NPHP1: variants seen among roughly 807,000 people sequenced by gnomAD.
NPHP1 encodes the protein nephrocystin-1.
In NPHP1, 70 loss-of-function variants were observed where a neutral mutation model predicts 90.4. The observed-to-expected ratio is 0.77, with a 90% CI of 0.64 to 0.95. The LOEUF (loss-of-function observed/expected upper bound fraction) is 0.95. Ranked by LOEUF, NPHP1 falls within the 40% of genes least tolerant of loss-of-function variation. The pLI, the probability that NPHP1 is intolerant of heterozygous loss-of-function variation, is 0.00. For synonymous variants in NPHP1, 256 were observed against 271.7 expected, an observed-to-expected ratio of 0.94 and a Z score of 0.57; for missense variants, 764 against 795.9, an observed-to-expected ratio of 0.96 and a Z score of 0.48.
intron 8 of NPHP1, 25 bp from the exon 9 acceptor site, chr2:110,163,160 A>T: frequency 6.6e-7 from 1 of 1,525,172 alleles, no homozygotes; most frequent in Non-Finnish European, 9.1e-7. Context: ...ATCAAAATGG[A>T]TTTGTTTTCA....
chr2:110,149,074 A>G (rs1335809980), intron 12 of NPHP1, among the ~76,000 whole-genome samples: 1 of 152,172 alleles, frequency 6.6e-6, no homozygotes, highest in Non-Finnish European at 1.5e-5. Flanking sequence ...GGCTACTCTG[A>G]TTAAATAAGG....
intron 16 of NPHP1, among the ~76,000 whole-genome samples, chr2:110,137,043 T>C (rs1680253164): frequency 6.6e-6 from 1 of 152,122 alleles, no homozygotes. Context: ...ATCTGATCTT[T>C]GACAAACCTG....
chr2:110,154,397 G>A (rs1194272195), intron 11 of NPHP1, among the ~76,000 whole-genome samples: 1 of 152,168 alleles, frequency 6.6e-6, no homozygotes, highest in East Asian at 1.9e-4. Context: ...ACCAGGAGTA[G>A]GGTGTTGCTG....
At chr2:110,189,520 T>C (rs1006064462) in intron 2 of NPHP1, among the ~76,000 whole-genome samples, 3 of 152,102 alleles carry the variant, frequency 2.0e-5, no homozygotes, top group African/African-American at 2.4e-5. Flanking sequence ...ATAAAGGCAG[T>C]GTGGACCCAA....
At chr2:110,176,171 C>T (rs1336963471) in intron 4 of NPHP1, among the ~76,000 whole-genome samples, 20 of 151,972 alleles carry the variant, frequency 1.3e-4, no homozygotes, top group African/African-American at 4.1e-4. Context: ...CTCACATCTC[C>T]GAGCTACTGA....
chr2:110,174,877 G>T, intron 4 of NPHP1, among the ~76,000 whole-genome samples: 1 of 151,126 alleles, frequency 6.6e-6, no homozygotes. Flanking sequence ...GCGCTGAAGA[G>T]CCATGTGGTA....
At chr2:110,135,618 T>C (rs1310734704) in intron 16 of NPHP1, among the ~76,000 whole-genome samples, 3 of 151,874 alleles carry the variant, frequency 2.0e-5, no homozygotes, top group Non-Finnish European at 4.4e-5. Flanking sequence ...TTCTAATATA[T>C]ATTTCTAATA....
chr2:110,139,091 A>T (rs1680437010), intron 16 of NPHP1, among the ~76,000 whole-genome samples: 1 of 152,110 alleles, frequency 6.6e-6, no homozygotes, highest in African/African-American at 2.4e-5. Context: ...GGTCTCAAGC[A>T]TTCAAGCAAC....
intron 2 of NPHP1, among the ~76,000 whole-genome samples, chr2:110,183,155 GGC>G (rs2104631260): frequency 6.6e-6 from 1 of 152,224 alleles, no homozygotes; most frequent in African/African-American, 2.4e-5. Flanking sequence ...CCCGAAATCT[GGC>G]CATAAACTGG....
chr2:110,195,851 A>G (rs1366528876), intron 2 of NPHP1, among the ~76,000 whole-genome samples: 2 of 152,162 alleles, frequency 1.3e-5, no homozygotes, highest in Non-Finnish European at 2.9e-5. Context: ...ATAATGCCAT[A>G]TATCTGCAAC....
chr2:110,132,037 A>T (rs1679822829), intron 16 of NPHP1, among the ~76,000 whole-genome samples: 1 of 152,174 alleles, frequency 6.6e-6, no homozygotes, highest in Non-Finnish European at 1.5e-5. Context: ...ATGTTAGCAT[A>T]TATACCTATG....
chr2:110,128,720 T>C (rs1384622873), intron 18 of NPHP1: 1 of 209,650 alleles, frequency 4.8e-6, no homozygotes, highest in Non-Finnish European at 9.7e-6. Flanking sequence ...GGCTAAACCA[T>C]ATGAAACTGC....
At chr2:110,160,626 C>T (rs538443957) in intron 10 of NPHP1, among the ~76,000 whole-genome samples, 2 of 152,244 alleles carry the variant, frequency 1.3e-5, no homozygotes, top group East Asian at 3.9e-4. Context: ...AAACCAATGC[C>T]ACCTGGCATT....
chr2:110,141,243 T>A (rs993735603), intron 16 of NPHP1, among the ~76,000 whole-genome samples: 2 of 152,184 alleles, frequency 1.3e-5, no homozygotes, highest in African/African-American at 4.8e-5. Flanking sequence ...ATGTTTACAT[T>A]TATCTATATA....
At chr2:110,189,527 C>A (rs1410369832) in intron 2 of NPHP1, among the ~76,000 whole-genome samples, 1 of 151,958 alleles carries the variant, frequency 6.6e-6, no homozygotes, top group East Asian at 1.9e-4. Flanking sequence ...CAGTGTGGAC[C>A]CAAAGAGTGA....
intron 12 of NPHP1, 32 bp from the exon 13 acceptor site, chr2:110,148,058 A>G (rs771404672): frequency 3.7e-6 from 5 of 1,361,440 alleles, no homozygotes; most frequent in Non-Finnish European, 5.3e-6. Flanking sequence ...AGTTATTGAT[A>G]AAAATAAAAA....
At chr2:110,135,969 C>A (rs1680166330) in intron 16 of NPHP1, among the ~76,000 whole-genome samples, 1 of 152,138 alleles carries the variant, frequency 6.6e-6, no homozygotes, top group Non-Finnish European at 1.5e-5. Context: ...AAAAGCTTAT[C>A]CACCATGATC....
intron 11 of NPHP1, among the ~76,000 whole-genome samples, chr2:110,157,638 ACTC>A (rs775084707): frequency 1.9e-4 from 28 of 150,226 alleles, no homozygotes; most frequent in Admixed American, 1.3e-3. Context: ...CCTATACCCC[ACTC>A]CTCCTCTCTC....
intron 5 of NPHP1, among the ~76,000 whole-genome samples, chr2:110,168,832 A>C (rs1682902939): frequency 6.6e-6 from 1 of 152,140 alleles, no homozygotes; most frequent in South Asian, 2.1e-4. Context: ...ATTTTTCACA[A>C]TCATTTTTAA....
Sources: gnomAD v4.1 joint callset for allele counts (sites outside exome capture counted in the v4.1 genomes callset) on GRCh38, gnomAD v4.1.1 for gene constraint, MANE v1.5 for transcripts, NCBI Gene and HGNC (gene_info 2026-07-23, HGNC 2026-07-21) for gene names.